The following GRM8 variants were observed in gnomAD, a reference collection of about 807,000 sequenced individuals.
GRM8 encodes the protein glutamate metabotropic receptor 8, also known as metabotropic glutamate receptor 8.
In GRM8, 47 loss-of-function variants were observed where a neutral mutation model predicts 87.2. The ratio of observed to expected loss-of-function variants is 0.54; its 90% CI spans 0.43 to 0.69. The LOEUF is 0.69. Ranked by LOEUF, GRM8 falls within the 30% of genes least tolerant of loss-of-function variation. The pLI is 0.00. For missense variants in GRM8, 1,019 were observed against 1,139.2 expected (o/e 0.89, Z 1.52); for synonymous variants, 396 against 404.5 (o/e 0.98, Z 0.25).
chr7:126,836,358 A>G (rs185546174), intron 6 of GRM8, among the ~76,000 whole-genome samples: 1 of 152,318 alleles, frequency 6.6e-6, no homozygotes, highest in Non-Finnish European at 1.5e-5. Context: ...ATGATGATGT[A>G]TGTTGGTGAT....
chr7:126,796,193 C>G (rs576990123), intron 6 of GRM8, among the ~76,000 whole-genome samples: 1 of 152,062 alleles, frequency 6.6e-6, no homozygotes, highest in East Asian at 1.9e-4. Context: ...GAAAAGTACA[C>G]GCCCATTTAA....
chr7:126,594,438 A>C (rs982499292), intron 8 of GRM8, among the ~76,000 whole-genome samples: 9 of 152,058 alleles, frequency 5.9e-5, no homozygotes, highest in Non-Finnish European at 2.9e-5. Flanking sequence ...ATCTGTGAAA[A>C]CTTGCATGAA....
intron 3 of GRM8, among the ~76,000 whole-genome samples, chr7:127,011,210 C>T (rs17867202): frequency 0.011 from 1,682 of 152,118 alleles, 27 homozygotes; most frequent in African/African-American, 0.037. Context: ...GCAATACTTA[C>T]GAAATTGGAC....
intron 9 of GRM8, among the ~76,000 whole-genome samples, chr7:126,527,897 A>G (rs1192386620): frequency 6.6e-6 from 1 of 152,182 alleles, no homozygotes; most frequent in Non-Finnish European, 1.5e-5. Flanking sequence ...TCTTCGGGCA[A>G]GCCTCTATGT....
intron 2 of GRM8, among the ~76,000 whole-genome samples, chr7:127,151,227 C>T (rs1443262657): frequency 6.6e-6 from 1 of 151,912 alleles, no homozygotes; most frequent in Admixed American, 6.6e-5. Context: ...ACAGGTTATG[C>T]TATTCCAGAT....
chr7:127,015,178 GAA>G (rs1491133219), intron 3 of GRM8, among the ~76,000 whole-genome samples: 3 of 66,816 alleles, frequency 4.5e-5, no homozygotes, highest in East Asian at 1.6e-3. Context: ...AGGAGAAGGA[GAA>G]GAAGAAGAAG....
intron 7 of GRM8, among the ~76,000 whole-genome samples, chr7:126,717,049 A>C (rs754920370): frequency 2.0e-4 from 31 of 152,210 alleles, no homozygotes; most frequent in Non-Finnish European, 3.7e-4. Flanking sequence ...GAGTAAGATC[A>C]TTTGCCTGAG....
chr7:126,899,104 A>AGTGTGT (rs71177573), intron 6 of GRM8, among the ~76,000 whole-genome samples: 1,751 of 140,394 alleles, frequency 0.012, 56 homozygotes, highest in African/African-American at 0.044. Flanking sequence ...ACTGGTTAAC[A>AGTGTGT]GTGTGTGTGT....
At chr7:126,839,717 G>C (rs1796105223) in intron 6 of GRM8, among the ~76,000 whole-genome samples, 1 of 152,182 alleles carries the variant, frequency 6.6e-6, no homozygotes, top group Non-Finnish European at 1.5e-5. Context: ...GTCCATTTCA[G>C]TTTGGTTAAG....
chr7:126,772,488 T>C (rs1342580251), intron 6 of GRM8, among the ~76,000 whole-genome samples: 1 of 152,048 alleles, frequency 6.6e-6, no homozygotes, highest in East Asian at 1.9e-4. Flanking sequence ...ATCTCCCTAC[T>C]TGGGACATGA....
intron 6 of GRM8, among the ~76,000 whole-genome samples, chr7:126,806,706 G>C (rs1010531426): frequency 6.6e-6 from 1 of 152,212 alleles, no homozygotes; most frequent in Non-Finnish European, 1.5e-5. Flanking sequence ...CATGCGTCGC[G>C]GGACTTTGCG....
At chr7:126,959,441 T>G (rs931929410) in intron 3 of GRM8, among the ~76,000 whole-genome samples, 10 of 152,212 alleles carry the variant, frequency 6.6e-5, no homozygotes, top group Non-Finnish European at 4.4e-5. Context: ...TTTTGATTGC[T>G]TATTTGAGAG....
At chr7:127,058,586 T>C (rs989221383) in intron 3 of GRM8, among the ~76,000 whole-genome samples, 3 of 152,244 alleles carry the variant, frequency 2.0e-5, no homozygotes, top group African/African-American at 7.2e-5. Flanking sequence ...ATGTCCACCT[T>C]CCTCAAATTG....
chr7:127,010,086 G>A lies in GRM8; in HGVS notation c.727+96410C>T, dbSNP rs113084270. Reference sequence around the variant, plus strand: ...TCGAACTCCTGACCTGAAGTGATCCGACTGCCTCAGCCTCCCAAAGTGCTG... The same window carrying A: ...TCGAACTCCTGACCTGAAGTGATCCAACTGCCTCAGCCTCCCAAAGTGCTG... On this transcript the variant is annotated intron_variant, in intron 3 of 10. Coordinates refer to ENST00000339582, the MANE Select transcript of GRM8 (RefSeq NM_000845.3). Among the ~76,000 whole-genome samples, 903 of 151,920 alleles carry A rather than the reference G, an allele frequency of 5.9e-3. 5 individuals carry two copies. Among genetic ancestry groups the A allele is most frequent in the Middle Eastern group, 0.014 (4 of 294 alleles).
chr7:126,986,788 C>T (rs1438874492), intron 3 of GRM8, among the ~76,000 whole-genome samples: 2 of 152,172 alleles, frequency 1.3e-5, no homozygotes, highest in Admixed American at 6.5e-5. Flanking sequence ...AGACATAAGT[C>T]ATATCAAAGA....
At chr7:126,968,796 T>C (rs932759191) in intron 3 of GRM8, among the ~76,000 whole-genome samples, 1 of 152,192 alleles carries the variant, frequency 6.6e-6, no homozygotes, top group Non-Finnish European at 1.5e-5. Context: ...TATGGATGGT[T>C]GTGGGATGGA....
intron 3 of GRM8, among the ~76,000 whole-genome samples, chr7:126,927,529 A>C (rs1805269924): frequency 6.6e-6 from 1 of 152,198 alleles, no homozygotes; most frequent in East Asian, 1.9e-4. Flanking sequence ...TAAAAGAAAA[A>C]AACAACCCCA....
At chr7:126,600,888 C>A (rs1242897149) in intron 8 of GRM8, among the ~76,000 whole-genome samples, 1 of 152,012 alleles carries the variant, frequency 6.6e-6, no homozygotes, top group East Asian at 1.9e-4. Context: ...GGAAACAGAA[C>A]AAAGTATTTT....
chr7:126,540,330 T>C (rs12706735), intron 8 of GRM8, among the ~76,000 whole-genome samples: 19,687 of 152,158 alleles, frequency 0.13, 1,523 homozygotes, highest in South Asian at 0.18. Flanking sequence ...TTGGAATTCT[T>C]TGCATTGCTG....
Sources: gnomAD v4.1 joint callset for allele counts (sites outside exome capture counted in the v4.1 genomes callset) on GRCh38, gnomAD v4.1.1 for gene constraint, MANE v1.5 for transcripts, NCBI Gene and HGNC (gene_info 2026-07-23, HGNC 2026-07-21) for gene names.